TENM2: variants seen among roughly 807,000 people sequenced by gnomAD.
TENM2 encodes the protein teneurin transmembrane protein 2.
In TENM2, 52 loss-of-function variants were observed where a neutral mutation model predicts 245.2. The ratio of observed to expected loss-of-function variants is 0.21; its 90% CI spans 0.17 to 0.27. The LOEUF is 0.27. Ranked by LOEUF, TENM2 falls within the 10% of genes least tolerant of loss-of-function variation. TENM2 has a pLI of 1.00. For missense variants in TENM2, 3,046 were observed against 3,666.8 expected (o/e 0.83, Z 4.37); for synonymous variants, 1,363 against 1,438.9 (o/e 0.95, Z 1.19).
At chr5:167,254,162 G>A in the TENM2 span, among the ~76,000 whole-genome samples, 3 of 152,074 alleles carry the variant, frequency 2.0e-5, no homozygotes, top group African/African-American at 4.8e-5. Context: ...GGGGACCACG[G>A]CCTTCCGAGC....
intron 3 of TENM2, among the ~76,000 whole-genome samples, chr5:167,924,201 A>G (rs1466326825): frequency 1.3e-5 from 2 of 152,162 alleles, no homozygotes; most frequent in Non-Finnish European, 2.9e-5. Context: ...TATTCCTTAC[A>G]GGTGAGCAGA....
intron 2 of TENM2, among the ~76,000 whole-genome samples, chr5:167,466,814 C>T (rs1334670499): frequency 1.3e-5 from 2 of 152,066 alleles, no homozygotes; most frequent in African/African-American, 4.8e-5. Flanking sequence ...TAAACTGTTA[C>T]TAATGATTTT....
At chr5:167,621,977 G>A (rs1778205267) in intron 2 of TENM2, among the ~76,000 whole-genome samples, 2 of 151,998 alleles carry the variant, frequency 1.3e-5, no homozygotes, top group South Asian at 4.2e-4. Flanking sequence ...AATCTTAAAG[G>A]CAAACATGTT....
chr5:167,137,523 C>T, the TENM2 span, among the ~76,000 whole-genome samples: 2 of 152,292 alleles, frequency 1.3e-5, no homozygotes, highest in Non-Finnish European at 2.9e-5. Flanking sequence ...ATTCGGGAAT[C>T]TCCCCAGGTG....
intron 1 of TENM2, among the ~76,000 whole-genome samples, chr5:167,366,844 T>A (rs1015524723): frequency 1.3e-5 from 2 of 152,188 alleles, no homozygotes; most frequent in Non-Finnish European, 2.9e-5. Flanking sequence ...GTCAGGTGAA[T>A]GTACATGTTT....
intron 2 of TENM2, among the ~76,000 whole-genome samples, chr5:167,587,377 T>C (rs1775581085): frequency 6.6e-6 from 1 of 152,226 alleles, no homozygotes. Flanking sequence ...TGAAACAGCC[T>C]GTCACTCAGA....
At chr5:167,327,067 C>T (rs1561865179) in intron 1 of TENM2, among the ~76,000 whole-genome samples, 1 of 152,060 alleles carries the variant, frequency 6.6e-6, no homozygotes, top group Non-Finnish European at 1.5e-5. Flanking sequence ...GGTGCATGTG[C>T]ACAACATGCA....
At chr5:167,539,130 T>TA (rs1009784452) in intron 2 of TENM2, among the ~76,000 whole-genome samples, 13 of 151,460 alleles carry the variant, frequency 8.6e-5, no homozygotes, top group African/African-American at 2.7e-4. Flanking sequence ...GTGAGTAGTT[T>TA]AAAAAAAAAG....
chr5:167,679,437 G>T (rs536452650), intron 2 of TENM2, among the ~76,000 whole-genome samples: 104 of 152,214 alleles, frequency 6.8e-4, no homozygotes, highest in Non-Finnish European at 1.2e-3. Flanking sequence ...TAGTACTATA[G>T]ATGAACTTCT....
intron 2 of TENM2, among the ~76,000 whole-genome samples, chr5:167,815,777 T>G (rs77147671): frequency 0.1 from 15,485 of 151,910 alleles, 1,338 homozygotes; most frequent in East Asian, 0.41. Flanking sequence ...TGTGGGAGAA[T>G]GAGAGGGAAA....
At chr5:167,060,650 CAAAA>C in the TENM2 span, among the ~76,000 whole-genome samples, 10 of 101,738 alleles carry the variant, frequency 9.8e-5, no homozygotes, top group Non-Finnish European at 1.2e-4. Flanking sequence ...GACCTTCTCT[CAAAA>C]AAAAAAAAAA....
At chr5:167,680,147 A>G (rs1050063388) in intron 2 of TENM2, among the ~76,000 whole-genome samples, 10 of 152,072 alleles carry the variant, frequency 6.6e-5, no homozygotes, top group Admixed American at 1.3e-4. Flanking sequence ...TCATCGCTCC[A>G]TCTTCCAACC....
At chr5:167,386,635 T>C (rs373862236) in intron 2 of TENM2, among the ~76,000 whole-genome samples, 3 of 152,342 alleles carry the variant, frequency 2.0e-5, no homozygotes, top group East Asian at 3.9e-4. Flanking sequence ...CTAGAATTTT[T>C]ATAGTTTCAG....
chr5:167,362,692 AT>A (rs1759789137), intron 1 of TENM2, among the ~76,000 whole-genome samples: 1 of 152,186 alleles, frequency 6.6e-6, no homozygotes, highest in Non-Finnish European at 1.5e-5. Flanking sequence ...TACTTTTTGT[AT>A]TTTTATGGAA....
At chr5:167,631,179 G>A (rs564920752) in intron 2 of TENM2, among the ~76,000 whole-genome samples, 1 of 152,250 alleles carries the variant, frequency 6.6e-6, no homozygotes, top group East Asian at 1.9e-4. Flanking sequence ...GAAAAAAAAA[G>A]TCAGTAAGCT....
chr5:167,348,596 T>TA (rs1241286572), intron 1 of TENM2, among the ~76,000 whole-genome samples: 2 of 152,178 alleles, frequency 1.3e-5, no homozygotes, highest in Non-Finnish European at 2.9e-5. Context: ...TCTACAGGAT[T>TA]AAAAAACCTC....
the TENM2 span, among the ~76,000 whole-genome samples, chr5:167,196,508 ATGTG>A: frequency 2.2e-5 from 3 of 139,336 alleles, no homozygotes; most frequent in African/African-American, 9.8e-5. Context: ...GTGTATATAT[ATGTG>A]TGTGTATATA....
the TENM2 span, among the ~76,000 whole-genome samples, chr5:167,115,896 G>A: frequency 1.3e-5 from 2 of 152,160 alleles, no homozygotes; most frequent in African/African-American, 2.4e-5. Flanking sequence ...TTGAAGCCTA[G>A]GTTGCCGGGA....
intron 1 of TENM2, among the ~76,000 whole-genome samples, chr5:167,293,860 GA>G (rs138195282): frequency 0.016 from 2,378 of 152,054 alleles, 30 homozygotes; most frequent in Non-Finnish European, 0.025. Context: ...CCCAGGCAAG[GA>G]AAAAATAGAG....
Sources: gnomAD v4.1 joint callset for allele counts (sites outside exome capture counted in the v4.1 genomes callset) on GRCh38, gnomAD v4.1.1 for gene constraint, MANE v1.5 for transcripts, NCBI Gene and HGNC (gene_info 2026-07-23, HGNC 2026-07-21) for gene names.